The following RHNO1 variants were observed in gnomAD, a reference collection of about 807,000 sequenced individuals.
RHNO1 encodes RAD9-HUS1-RAD1 interacting nuclear orphan 1.
In RHNO1, 9 loss-of-function variants were observed where a neutral mutation model predicts 7.2. The observed-to-expected ratio is 1.25, with a 90% CI of 0.75 to 2.18. The LOEUF (loss-of-function observed/expected upper bound fraction) is 2.18, where lower values mean the gene tolerates loss of function less well. RHNO1 is among the 30% of genes most tolerant of loss of function. The probability of loss-of-function intolerance (pLI) is 0.00; values close to 1 mark genes in which losing one functional copy is unlikely to be tolerated. For synonymous variants in RHNO1, 95 were observed against 107.5 expected (o/e 0.88, Z 0.72); for missense variants, 292 against 284.5 (o/e 1.03, Z -0.19).
At chr12:2,883,839 C>T (rs904138823) in intron 1 of RHNO1, among the ~76,000 whole-genome samples, 3 of 151,594 alleles carry the variant, frequency 2.0e-5, no homozygotes, top group Non-Finnish European at 4.4e-5. Flanking sequence ...TCCAAATAAT[C>T]CAGGGATAGA....
rs2098169593 is a variant in RHNO1 at position 2,889,445 on chromosome 12, G to A, written c.*986G>A. On this transcript the variant is annotated 3_prime_UTR_variant, in exon 3 of 3. Transcript: ENST00000489288. ...ATTACTTATTGTAATTAATGCAGAA[G>A]GACTTCCCCAGTCAACCGAATGTCT... is the stretch of plus-strand genomic sequence containing the variant. 6.6e-6 allele frequency: 1 copy of A among 152,178 alleles called. No homozygotes were observed. Among genetic ancestry groups the A allele is most frequent in the African/African-American group, 2.4e-5 (1 of 41,444 alleles). The allele number at this position is 152,178 out of a possible 1,614,324, so 9.4% of individuals were successfully genotyped here.
At chr12:2,882,930 C>T (rs1426413991) in intron 1 of RHNO1, among the ~76,000 whole-genome samples, 8 of 151,952 alleles carry the variant, frequency 5.3e-5, no homozygotes, top group Middle Eastern at 3.4e-3. Flanking sequence ...TAACCAGGTG[C>T]AGTGTGCTTG....
At chr12:2,882,138 A>C (rs1234452798) in intron 1 of RHNO1, among the ~76,000 whole-genome samples, 1 of 151,438 alleles carries the variant, frequency 6.6e-6, no homozygotes, top group Non-Finnish European at 1.5e-5. Context: ...CCACCAAAGA[A>C]GCCCTTATTA....
Position 2,885,311 on chromosome 12 carries a change from C to G in RHNO1, c.-56C>G, listed in dbSNP as rs779146587. ...TGGGTTGGAATTGGAGCCTATCCCCCAACCCGAAGGCTAACAGCATCATGT... is the reference window on the plus strand; with the variant it reads ...TGGGTTGGAATTGGAGCCTATCCCCGAACCCGAAGGCTAACAGCATCATGT... On this transcript the variant is annotated 5_prime_UTR_variant, in exon 2 of 3. Coordinates refer to ENST00000489288, the MANE Select transcript of RHNO1 (RefSeq NM_001252499.3). 3.9e-5 allele frequency: 59 copies of G among 1,515,714 alleles called. No homozygotes were observed. The highest frequency in any genetic ancestry group is 5.1e-5 in the Non-Finnish European group (57 of 1,117,276). The allele number at this position is 1,515,714 out of a possible 1,614,324, so 93.9% of individuals were successfully genotyped here.
rs912904997 is a variant in RHNO1, at chr12:2,888,010, A to C, written c.268A>C (p.Lys90Gln). 1.2e-6 allele frequency: 2 copies of C among 1,613,840 alleles called. No homozygotes were observed. The highest frequency in any genetic ancestry group is 2.7e-5 in the African/African-American group (2 of 74,824). The change falls in exon 3 of 3, where the codon AAG (lysine) becomes CAG (glutamine). Residue 90 changes from lysine (K) to glutamine (Q), a missense_variant. Coordinates refer to ENST00000489288, the MANE Select transcript of RHNO1 (RefSeq NM_001252499.3). ...RHSSRKPTTSKFPHLTFESPQ... is the reference protein window; with the variant it reads ...RHSSRKPTTSQFPHLTFESPQ... ...CTCAAGTCGAAAACCTACCACCTCC[A>C]AGTTTCCACATCTAACTTTTGAGAG...
In RHNO1 at chr12:2,879,713, T is replaced by C. The variant is rs2098154977; in HGVS notation, c.-85+2431T>C. ...GTAATGGGATATTTGGGTCCCAAACTTAAGGAATTCTAAAATATATAAATA... is the reference window on the plus strand; with the variant it reads ...GTAATGGGATATTTGGGTCCCAAACCTAAGGAATTCTAAAATATATAAATA... On this transcript the variant is annotated intron_variant, in intron 1 of 2. Coordinates refer to ENST00000489288, the MANE Select transcript of RHNO1 (RefSeq NM_001252499.3). Among the ~76,000 whole-genome samples the C allele has an allele frequency of 2.6e-5, 4 of 151,806 alleles. No homozygotes were observed. The South Asian group carries it at 8.3e-4, about 32-fold the overall frequency.
intron 1 of RHNO1, among the ~76,000 whole-genome samples, chr12:2,883,956 T>C (rs2153945418): frequency 6.6e-6 from 1 of 152,234 alleles, no homozygotes; most frequent in African/African-American, 2.4e-5. Flanking sequence ...TACTTTAGTA[T>C]ATATTTGACA....
At chr12:2,879,073 C>G (rs192758594) in intron 1 of RHNO1, among the ~76,000 whole-genome samples, 247 of 151,988 alleles carry the variant, frequency 1.6e-3, no homozygotes, top group Non-Finnish European at 2.2e-3. Flanking sequence ...GACCTTGGCT[C>G]ACTACAACCT....
Position 2,888,549 on chromosome 12 carries a change from A to T in RHNO1, c.*90A>T. On this transcript the variant is annotated 3_prime_UTR_variant, in exon 3 of 3. Coordinates refer to ENST00000489288, the MANE Select transcript of RHNO1 (RefSeq NM_001252499.3). ...TAGGGTTTTTGTTTTTGTTTTTGAGATGTAATATTGCTCTGTTGCCCAGGC... is the reference window on the plus strand; with the variant it reads ...TAGGGTTTTTGTTTTTGTTTTTGAGTTGTAATATTGCTCTGTTGCCCAGGC... 1 of 1,173,318 alleles carries T rather than the reference A, an allele frequency of 8.5e-7. No homozygotes were observed. Among genetic ancestry groups the T allele is most frequent in the South Asian group, 1.6e-5 (1 of 60,842 alleles). The allele number at this position is 1,173,318 out of a possible 1,614,324, so 72.7% of individuals were successfully genotyped here.
chr12:2,889,327 C>G lies in RHNO1; in HGVS notation c.*868C>G, dbSNP rs2098169463. On this transcript the variant is annotated 3_prime_UTR_variant, in exon 3 of 3. Coordinates refer to ENST00000489288, the MANE Select transcript of RHNO1 (RefSeq NM_001252499.3). ...GTGTGTTTTGAGTTTTTGTTTCTAA[C>G]TGAAGAAATCTGTCAATATTAAATA... 6.6e-6 allele frequency: 1 copy of G among 152,130 alleles called. No individual in the cohort carries two copies. The highest frequency in any genetic ancestry group is 2.1e-4 in the South Asian group (1 of 4,830). The allele number at this position is 152,130 out of a possible 1,614,324, so 9.4% of individuals were successfully genotyped here. A position where few individuals can be genotyped will look rare whatever the true frequency, so the allele number is the denominator to read the frequency against.
Position 2,888,464 on chromosome 12 carries a change from C to T in RHNO1, c.*5C>T, listed in dbSNP as rs1201948624. On this transcript the variant is annotated 3_prime_UTR_variant, in exon 3 of 3. Coordinates refer to ENST00000489288, the MANE Select transcript of RHNO1 (RefSeq NM_001252499.3). ...CAATTCCTTGTGAAAAGCTGACTGC[C>T]ATCAGTAATCTCAATAGAAAAGAGA... 5.2e-6 allele frequency: 8 copies of T among 1,549,062 alleles called. No homozygotes were observed. The highest frequency in any genetic ancestry group is 6.1e-6 in the Non-Finnish European group (7 of 1,151,086).
chr12:2,881,562 A>G (rs1366271881), intron 1 of RHNO1, among the ~76,000 whole-genome samples: 1 of 152,082 alleles, frequency 6.6e-6, no homozygotes, highest in African/African-American at 2.4e-5. Flanking sequence ...GTGAATGAAC[A>G]AATGGATATA....
At chr12:2,882,357 C>T (rs1016461998) in intron 1 of RHNO1, among the ~76,000 whole-genome samples, 2 of 151,372 alleles carry the variant, frequency 1.3e-5, no homozygotes, top group Non-Finnish European at 2.9e-5. Context: ...TGAGAAAAGT[C>T]GGGTTGGAGA....
At chr12:2,882,476 A>G (rs2098159132) in intron 1 of RHNO1, among the ~76,000 whole-genome samples, 1 of 151,922 alleles carries the variant, frequency 6.6e-6, no homozygotes, top group African/African-American at 2.4e-5. Context: ...AGGCAGGCAG[A>G]TCAGTTGAGG....
chr12:2,885,264 T>C lies in RHNO1; in HGVS notation c.-84-19T>C. 1 of 1,021,300 alleles carries C rather than the reference T, an allele frequency of 9.8e-7. No homozygotes were observed. Among genetic ancestry groups the C allele is most frequent in the East Asian group, 2.5e-5 (1 of 39,488 alleles). The allele number at this position is 1,021,300 out of a possible 1,614,324, so 63.3% of individuals were successfully genotyped here. ...ATCATCTGAATTATTTGCTCCCAGC[T>C]TTTGTTTCTTCTCTACAGGCATGGG... is the stretch of plus-strand genomic sequence containing the variant. On this transcript the variant is annotated intron_variant, in intron 1 of 2. Coordinates refer to ENST00000489288, the MANE Select transcript of RHNO1 (RefSeq NM_001252499.3).
chr12:2,887,049 A>G, intron 2 of RHNO1: 1 of 452,110 alleles, frequency 2.2e-6, no homozygotes, highest in Non-Finnish European at 4.5e-6. Flanking sequence ...AAAGATAAAT[A>G]AGTTATATCT....
chr12:2,881,597 A>C (rs775450138), intron 1 of RHNO1, among the ~76,000 whole-genome samples: 4 of 152,010 alleles, frequency 2.6e-5, no homozygotes, highest in Non-Finnish European at 4.4e-5. Context: ...TTTCTATAAG[A>C]TGTTAGTTCC....
At chr12:2,881,004 C>T (rs964084001) in intron 1 of RHNO1, among the ~76,000 whole-genome samples, 1 of 152,174 alleles carries the variant, frequency 6.6e-6, no homozygotes, top group Admixed American at 6.5e-5. Context: ...TGCTGAGCAA[C>T]GTACCCATTT....
intron 1 of RHNO1, among the ~76,000 whole-genome samples, chr12:2,882,823 G>T (rs2098159769): frequency 6.6e-6 from 1 of 152,162 alleles, no homozygotes; most frequent in Non-Finnish European, 1.5e-5. Context: ...TATTTTGGAA[G>T]GCTAAGGAGG....
Sources: allele counts gnomAD v4.1 joint callset (sites outside exome capture counted in the v4.1 genomes callset), GRCh38; gene constraint gnomAD v4.1.1; transcripts MANE v1.5; gene names NCBI Gene and HGNC (gene_info 2026-07-23, HGNC 2026-07-21).